RNGTT: variants seen among roughly 807,000 people sequenced by gnomAD.
RNGTT encodes the protein mRNA-capping enzyme.
In RNGTT, 33 loss-of-function variants were observed where a neutral mutation model predicts 79.3. The observed-to-expected ratio is 0.42, with a 90% CI of 0.32 to 0.56. The LOEUF is 0.56. Ranked by LOEUF, RNGTT falls within the 20% of genes least tolerant of loss-of-function variation. The probability of loss-of-function intolerance (pLI) is 0.17; values close to 1 mark genes in which losing one functional copy is unlikely to be tolerated. For missense variants in RNGTT, 497 were observed against 739.1 expected (o/e 0.67, Z 3.80); for synonymous variants, 222 against 235.9 (o/e 0.94, Z 0.54).
intron 6 of RNGTT, among the ~76,000 whole-genome samples, chr6:88,896,421 G>A (rs1241698265): frequency 2.0e-5 from 3 of 152,118 alleles, no homozygotes; most frequent in Non-Finnish European, 4.4e-5. Flanking sequence ...CTCTGCATGT[G>A]GCTAAAATTA....
At chr6:88,852,045 A>C (rs1312475020) in intron 9 of RNGTT, among the ~76,000 whole-genome samples, 1 of 152,090 alleles carries the variant, frequency 6.6e-6, no homozygotes, top group Non-Finnish European at 1.5e-5. Flanking sequence ...TCTGTTTCTA[A>C]TGCCAACTCC....
intron 13 of RNGTT, among the ~76,000 whole-genome samples, chr6:88,748,255 A>G (rs1562231841): frequency 6.6e-6 from 1 of 152,132 alleles, no homozygotes; most frequent in Non-Finnish European, 1.5e-5. Flanking sequence ...TATGAGCTGA[A>G]GCCCTAACAG....
intron 13 of RNGTT, among the ~76,000 whole-genome samples, chr6:88,755,425 A>G (rs183445669): frequency 1.3e-5 from 2 of 152,148 alleles, no homozygotes; most frequent in Non-Finnish European, 2.9e-5. Flanking sequence ...TAAAAGTGAC[A>G]TTCATGTCTG....
At chr6:88,638,343 C>T (rs2127772145) in intron 14 of RNGTT, among the ~76,000 whole-genome samples, 1 of 152,214 alleles carries the variant, frequency 6.6e-6, no homozygotes, top group South Asian at 2.1e-4. Flanking sequence ...TTTTAGAATT[C>T]AATTCCGTCA....
chr6:88,686,979 T>G (rs1303353706), intron 13 of RNGTT, among the ~76,000 whole-genome samples: 1 of 151,450 alleles, frequency 6.6e-6, no homozygotes, highest in East Asian at 1.9e-4. Context: ...TGTAAAAATT[T>G]TTTTAAATGG....
chr6:88,686,895 A>T (rs1775299553), intron 13 of RNGTT, among the ~76,000 whole-genome samples: 1 of 152,194 alleles, frequency 6.6e-6, no homozygotes, highest in African/African-American at 2.4e-5. Context: ...AAGTATTAAA[A>T]GAAAACCTGA....
intron 4 of RNGTT, among the ~76,000 whole-genome samples, chr6:88,925,263 C>A (rs1233079930): frequency 6.6e-6 from 1 of 152,014 alleles, no homozygotes; most frequent in East Asian, 1.9e-4. Flanking sequence ...ATCTATAGTT[C>A]CCCAAGTCCA....
At chr6:88,696,689 T>C (rs973612742) in intron 13 of RNGTT, among the ~76,000 whole-genome samples, 2 of 152,164 alleles carry the variant, frequency 1.3e-5, no homozygotes, top group African/African-American at 2.4e-5. Context: ...TTTTATTTCC[T>C]GTGTTGGGAA....
chr6:88,815,843 G>A (rs544371003), intron 11 of RNGTT, among the ~76,000 whole-genome samples: 77 of 152,290 alleles, frequency 5.1e-4, no homozygotes, highest in African/African-American at 1.7e-3. Flanking sequence ...ATACCAAATG[G>A]CATTTTAGCT....
At chr6:88,900,446 G>A (rs1239600907) in intron 6 of RNGTT, among the ~76,000 whole-genome samples, 2 of 152,168 alleles carry the variant, frequency 1.3e-5, no homozygotes, top group Non-Finnish European at 2.9e-5. Flanking sequence ...AGATAGGTCA[G>A]AAGAAAATAT....
intron 13 of RNGTT, among the ~76,000 whole-genome samples, chr6:88,727,704 G>A (rs1467673385): frequency 6.6e-6 from 1 of 152,006 alleles, no homozygotes; most frequent in Non-Finnish European, 1.5e-5. Context: ...GCTTTTTTTG[G>A]TCTAAAAACT....
In RNGTT at chr6:88,629,552, T is replaced by A. The variant is rs185030285; in HGVS notation, c.1507-15157A>T. On this transcript the variant is annotated intron_variant, in intron 14 of 15. Coordinates refer to ENST00000369485, the MANE Select transcript of RNGTT (RefSeq NM_003800.5). ...TTCCTATATTTCCTTAGGTTTCTGT[T>A]CTACAGTTGTTCCAGTGAGGGTAAG... is the stretch of plus-strand genomic sequence containing the variant. 5.9e-5 allele frequency among the ~76,000 whole-genome samples: 9 copies of A among 152,252 alleles called. No individual in the cohort carries two copies. In the East Asian group the frequency reaches 1.7e-3, roughly 29 times the overall value.
At chr6:88,744,143 C>T (rs1258248540) in intron 13 of RNGTT, among the ~76,000 whole-genome samples, 1 of 152,136 alleles carries the variant, frequency 6.6e-6, no homozygotes, top group Non-Finnish European at 1.5e-5. Context: ...TTCATCATCT[C>T]CTGACTATAT....
At chr6:88,747,083 T>C (rs1427075402) in intron 13 of RNGTT, among the ~76,000 whole-genome samples, 1 of 152,068 alleles carries the variant, frequency 6.6e-6, no homozygotes, top group Non-Finnish European at 1.5e-5. Context: ...TACACATGGG[T>C]TAAGGGTCAT....
At chr6:88,747,189 A>G (rs1777688067) in intron 13 of RNGTT, among the ~76,000 whole-genome samples, 1 of 152,202 alleles carries the variant, frequency 6.6e-6, no homozygotes, top group African/African-American at 2.4e-5. Context: ...GGGGGTGGGC[A>G]TCAAAATTTG....
At chr6:88,873,286 G>T (rs554651801) in intron 8 of RNGTT, among the ~76,000 whole-genome samples, 1 of 152,156 alleles carries the variant, frequency 6.6e-6, no homozygotes, top group South Asian at 2.1e-4. Flanking sequence ...ACATAAAGAA[G>T]AAAGATGATT....
At chr6:88,906,562 T>C (rs1783660455) in intron 4 of RNGTT, 122 bp from the exon 5 acceptor site, 1 of 595,284 alleles carries the variant, frequency 1.7e-6, no homozygotes, top group Admixed American at 3.6e-5. Flanking sequence ...CATTTTTTAA[T>C]TTTTTAACTT....
intron 14 of RNGTT, among the ~76,000 whole-genome samples, chr6:88,646,068 C>T (rs994422992): frequency 7.3e-5 from 11 of 151,614 alleles, no homozygotes; most frequent in African/African-American, 1.9e-4. Flanking sequence ...GAACAGGCAA[C>T]CTAAAGAAAA....
chr6:88,797,058 G>T (rs1391365721), intron 12 of RNGTT, among the ~76,000 whole-genome samples: 1 of 151,948 alleles, frequency 6.6e-6, no homozygotes, highest in African/African-American at 2.4e-5. Context: ...AAATTCAAAG[G>T]CACTCCAATT....
Sources: allele counts gnomAD v4.1 joint callset (sites outside exome capture counted in the v4.1 genomes callset), GRCh38; gene constraint gnomAD v4.1.1; transcripts MANE v1.5; gene names NCBI Gene and HGNC (gene_info 2026-07-23, HGNC 2026-07-21).